Variants in CDH13 observed in about 807,000 individuals in gnomAD.
CDH13 encodes cadherin 13, also known as cadherin-13.
Under a neutral mutation model 63.8 loss-of-function variants are expected in CDH13, and 24 were observed. The observed-to-expected ratio is 0.38, with a 90% CI of 0.27 to 0.53. CDH13 has a LOEUF of 0.53. CDH13 is among the 20% of genes least tolerant of loss of function. CDH13 has a pLI of 0.85. For synonymous variants in CDH13, 503 were observed against 355.3 expected, an observed-to-expected ratio of 1.42 and a Z score of -4.67; for missense variants, 1,049 against 903.1, an observed-to-expected ratio of 1.16 and a Z score of -2.07.
chr16:83,025,210 A>T (rs1009764680), intron 2 of CDH13, among the ~76,000 whole-genome samples: 1 of 152,170 alleles, frequency 6.6e-6, no homozygotes. Flanking sequence ...TGCCATAAGG[A>T]TTATAGTACC....
chr16:83,226,568 T>C (rs2039846393), intron 5 of CDH13, among the ~76,000 whole-genome samples: 1 of 152,200 alleles, frequency 6.6e-6, no homozygotes, highest in Non-Finnish European at 1.5e-5. Flanking sequence ...GGCTACCCTT[T>C]TTTTTCTGTT....
chr16:83,758,554 G>A (rs1913702980), intron 11 of CDH13, among the ~76,000 whole-genome samples: 1 of 152,126 alleles, frequency 6.6e-6, no homozygotes, highest in African/African-American at 2.4e-5. Flanking sequence ...GTCCCAGCCA[G>A]AGCGAGAAGG....
intron 4 of CDH13, among the ~76,000 whole-genome samples, chr16:83,140,847 G>A (rs906984865): frequency 6.6e-6 from 1 of 152,170 alleles, no homozygotes; most frequent in Admixed American, 6.5e-5. Flanking sequence ...TCCCTCCTGG[G>A]AACGGACTGA....
At chr16:83,438,353 G>A (rs1048624488) in intron 6 of CDH13, among the ~76,000 whole-genome samples, 2 of 152,226 alleles carry the variant, frequency 1.3e-5, no homozygotes, top group African/African-American at 4.8e-5. Context: ...TAAACCTAAT[G>A]GCACCAGGTG....
At chr16:82,962,571 C>T (rs987923225) in intron 2 of CDH13, among the ~76,000 whole-genome samples, 1 of 152,120 alleles carries the variant, frequency 6.6e-6, no homozygotes, top group Admixed American at 6.5e-5. Context: ...ACTCATAAGG[C>T]TGAAGACAGA....
chr16:83,665,524 A>G (rs1235215753), intron 8 of CDH13, among the ~76,000 whole-genome samples: 2 of 152,182 alleles, frequency 1.3e-5, no homozygotes, highest in African/African-American at 4.8e-5. Flanking sequence ...TATATTTCTG[A>G]TGGTCTCTCC....
At chr16:83,457,360 G>A (rs889220085) in intron 6 of CDH13, among the ~76,000 whole-genome samples, 3 of 152,090 alleles carry the variant, frequency 2.0e-5, no homozygotes, top group African/African-American at 7.2e-5. Context: ...CAGCCAGGCA[G>A]GGTGGGCACT....
At chr16:82,826,774 G>C (rs1007511766) in intron 1 of CDH13, 10 of 152,172 alleles carry the variant, frequency 6.6e-5, no homozygotes, top group African/African-American at 2.4e-4. Flanking sequence ...AGTTTGGCAG[G>C]TTCCTCAGAT....
chr16:82,770,827 C>T (rs771006928), intron 1 of CDH13, among the ~76,000 whole-genome samples: 17 of 152,146 alleles, frequency 1.1e-4, no homozygotes, highest in Non-Finnish European at 1.9e-4. Flanking sequence ...CCTGCCTCAG[C>T]CTCCCGAGTA....
intron 3 of CDH13, among the ~76,000 whole-genome samples, chr16:83,122,880 G>A (rs1008754706): frequency 6.6e-6 from 1 of 152,092 alleles, no homozygotes; most frequent in African/African-American, 2.4e-5. Context: ...ATCACCCAAA[G>A]AGTGAACGTT....
intron 4 of CDH13, among the ~76,000 whole-genome samples, chr16:83,178,354 G>GCACCC (rs1477470325): frequency 5.9e-5 from 9 of 152,078 alleles, no homozygotes; most frequent in Non-Finnish European, 1.2e-4. Flanking sequence ...CTCCCCCGCC[G>GCACCC]CACCCCAGTT....
At chr16:83,242,089 A>G (rs1904513992) in intron 5 of CDH13, among the ~76,000 whole-genome samples, 1 of 152,144 alleles carries the variant, frequency 6.6e-6, no homozygotes, top group Non-Finnish European at 1.5e-5. Context: ...GGGGCTGCTC[A>G]TTTCCCATTG....
chr16:83,020,073 C>G (rs117613082), intron 2 of CDH13, among the ~76,000 whole-genome samples: 2,612 of 152,222 alleles, frequency 0.017, 27 homozygotes, highest in Non-Finnish European at 0.026. Context: ...TTTTTCAGCT[C>G]CGTTATCATC....
intron 2 of CDH13, among the ~76,000 whole-genome samples, chr16:82,869,073 G>A (rs774514271): frequency 1.3e-5 from 2 of 152,170 alleles, no homozygotes; most frequent in Non-Finnish European, 1.5e-5. Context: ...TTGAGATGGA[G>A]TCTCTCCCTG....
intron 1 of CDH13, among the ~76,000 whole-genome samples, chr16:82,852,782 C>T (rs1057289807): frequency 6.6e-6 from 1 of 152,180 alleles, no homozygotes; most frequent in African/African-American, 2.4e-5. Context: ...GAGAGGGGCA[C>T]TCTACATAAC....
At chr16:83,201,807 C>T (rs958877205) in intron 4 of CDH13, among the ~76,000 whole-genome samples, 1 of 151,406 alleles carries the variant, frequency 6.6e-6, no homozygotes, top group African/African-American at 2.4e-5. Flanking sequence ...GTCCCAGCTA[C>T]TTGGGAGGCT....
At position 83,286,745 on chromosome 16, in the gene CDH13, G is replaced by A. The variant is rs140006544; in HGVS notation, c.637-58117G>A. Among the ~76,000 whole-genome samples, 451 of 126,536 alleles carry A rather than the reference G, an allele frequency of 3.6e-3. 2 individuals carry two copies. The highest frequency in any genetic ancestry group is 5.6e-3 in the Non-Finnish European group (335 of 60,096). The allele number at this position is 126,536 out of a possible 152,430, so 83.0% of individuals were successfully genotyped here. A position where few individuals can be genotyped will look rare whatever the true frequency, so the allele number is the denominator to read the frequency against. On this transcript the variant is annotated intron_variant, in intron 5 of 13. Transcript: ENST00000567109. ...TATTCCAGCCTGGGCAACAAAGTGCGACTCTGTCTCAAAAAAAAAAAAATG... is the reference window on the plus strand; with the variant it reads ...TATTCCAGCCTGGGCAACAAAGTGCAACTCTGTCTCAAAAAAAAAAAAATG...
intron 2 of CDH13, among the ~76,000 whole-genome samples, chr16:82,945,911 C>T (rs1378254454): frequency 1.3e-5 from 2 of 152,108 alleles, no homozygotes; most frequent in Admixed American, 6.6e-5. Flanking sequence ...CCTTTGGTGG[C>T]CACAGTTTGG....
rs141502493 is a variant in CDH13, at chr16:83,519,886, C to T, written c.960+33231C>T. Among the ~76,000 whole-genome samples the T allele has an allele frequency of 5.4e-3, 823 of 152,076 alleles. 7 individuals carry two copies. Among genetic ancestry groups the T allele is most frequent in the Non-Finnish European group, 8.6e-3 (588 of 67,996 alleles). On this transcript the variant is annotated intron_variant, in intron 7 of 13. Transcript: ENST00000567109. ...GAGCTGGGGGACAAAGGAAGAGTCG[C>T]AGATGATCAGAAAGGAGATGTGAAA... is the stretch of plus-strand genomic sequence containing the variant.
Sources: gnomAD v4.1 joint callset for allele counts (sites outside exome capture counted in the v4.1 genomes callset) on GRCh38, gnomAD v4.1.1 for gene constraint, MANE v1.5 for transcripts, NCBI Gene and HGNC (gene_info 2026-07-23, HGNC 2026-07-21) for gene names.